Variants in GCC2 observed in about 807,000 individuals in gnomAD.
GCC2 encodes GRIP and coiled-coil domain containing 2.
GCC2 carries 120 observed loss-of-function variants against 210.6 expected under a neutral mutation model. The observed-to-expected ratio is 0.57, with a 90% CI of 0.49 to 0.66. The LOEUF is 0.66. Ranked by LOEUF, GCC2 falls within the 30% of genes least tolerant of loss-of-function variation. GCC2 has a pLI of 0.00. For missense variants in GCC2, 1,868 were observed against 1,871.9 expected, an observed-to-expected ratio of 1.00 and a Z score of 0.04; for synonymous variants, 703 against 652.7, an observed-to-expected ratio of 1.08 and a Z score of -1.17.
intron 4 of GCC2, among the ~76,000 whole-genome samples, chr2:108,467,673 A>C (rs6718841): frequency 6.6e-6 from 1 of 152,204 alleles, no homozygotes; most frequent in Non-Finnish European, 1.5e-5. Flanking sequence ...GTGATAGTGT[A>C]CTAATGTTTT....
chr2:108,472,926 A>G (rs1355282970), intron 7 of GCC2, 27 bp downstream of exon 7: 3 of 1,238,844 alleles, frequency 2.4e-6, no homozygotes, highest in Non-Finnish European at 3.5e-6. Context: ...AGATGTTGTC[A>G]CAATTAATTA....
Position 108,452,410 on chromosome 2 carries a change from G to A in GCC2, c.160G>A (p.Glu54Lys). Residue 54 changes from glutamate to lysine, a missense_variant, in exon 4 of 23, where the codon GAA becomes AAA. Physicochemically the swap from Glu to Lys is moderately conservative, Grantham distance 56. Around this residue, in one of 3 missense-constraint regions of GCC2, gnomAD observed 1,847 missense variants for 1,765.2 expected, o/e 1.05. Coordinates refer to ENST00000309863, the MANE Select transcript of GCC2 (RefSeq NM_181453.4). ...TTTTAATTGTTTAGAATTGGAGAAAGAAATTGAAGAACTCAGATCAAAACC... is the reference window on the plus strand; with the variant it reads ...TTTTAATTGTTTAGAATTGGAGAAAAAAATTGAAGAACTCAGATCAAAACC... The part of the protein sequence containing the change: ...AKSRCTELEK[E>K]IEELRSKPVT... The A allele has an allele frequency of 6.6e-7, 1 of 1,521,412 alleles. No individual in the cohort carries two copies. Among genetic ancestry groups the A allele is most frequent in the Non-Finnish European group, 9.1e-7 (1 of 1,096,422 alleles). 94.2% of individuals were successfully genotyped at this position (1,521,412 alleles called of 1,614,324 possible).
intron 18 of GCC2, among the ~76,000 whole-genome samples, chr2:108,492,102 TTCCTC>T (rs1310271141): frequency 1.3e-5 from 2 of 151,860 alleles, no homozygotes. Context: ...AATGGATACT[TTCCTC>T]TAAAGTTTTC....
chr2:108,456,779 G>A (rs1450082472), intron 4 of GCC2, among the ~76,000 whole-genome samples: 4 of 151,738 alleles, frequency 2.6e-5, no homozygotes, highest in Non-Finnish European at 5.9e-5. Flanking sequence ...AGCAAGATCC[G>A]TTTCTACAAA....
chr2:108,496,756 T>G (rs1379614919), intron 20 of GCC2: 1 of 699,286 alleles, frequency 1.4e-6, no homozygotes, highest in African/African-American at 1.8e-5. Context: ...TGTATTCAGT[T>G]AGATGACATG....
chr2:108,475,886 G>T, intron 9 of GCC2, 36 bp downstream of exon 9: 1 of 1,110,556 alleles, frequency 9.0e-7, no homozygotes, highest in Non-Finnish European at 1.3e-6. Context: ...AGTTATAAAA[G>T]TTGTAATAAT....
intron 4 of GCC2, among the ~76,000 whole-genome samples, chr2:108,452,691 C>CTTTTTTTTTTTTTTTTTTTT (rs34444254): frequency 1.0e-5 from 1 of 99,438 alleles, no homozygotes; most frequent in African/African-American, 4.0e-5. Context: ...TTTTTTCTTT[C>CTTTTTTTTTTTTTTTTTTTT]TTTTTTTTTT....
At chr2:108,501,732 A>T (rs1434012748) in intron 22 of GCC2, among the ~76,000 whole-genome samples, 1 of 152,156 alleles carries the variant, frequency 6.6e-6, no homozygotes, top group South Asian at 2.1e-4. Context: ...ATTTTTAGCA[A>T]TTTGTTGCTG....
At chr2:108,476,080 T>A (rs1017811616) in intron 9 of GCC2, among the ~76,000 whole-genome samples, 4 of 108,654 alleles carry the variant, frequency 3.7e-5, no homozygotes, top group African/African-American at 1.3e-4. Context: ...TTTTTTTTTT[T>A]GATGAAGTCT....
chr2:108,494,375 GAA>G (rs869045091), intron 19 of GCC2: 2 of 139,278 alleles, frequency 1.4e-5, no homozygotes, highest in Admixed American at 7.2e-5. Flanking sequence ...CCCTGTCTCA[GAA>G]AAAAAAAAAA....
chr2:108,479,979 TCAAAAAAAAAA>T (rs1681755797), intron 9 of GCC2, among the ~76,000 whole-genome samples: 1 of 59,558 alleles, frequency 1.7e-5, no homozygotes, highest in African/African-American at 1.0e-4. Flanking sequence ...AGACTCCATC[TCAAAAAAAAAA>T]AAAAAAAAAA....
chr2:108,468,281 G>T (rs1252369613), intron 4 of GCC2, among the ~76,000 whole-genome samples: 1 of 152,000 alleles, frequency 6.6e-6, no homozygotes. Flanking sequence ...GCCCAGGCTG[G>T]TCTTGAACTC....
At chr2:108,501,771 A>T (rs2577597) in intron 22 of GCC2, among the ~76,000 whole-genome samples, 28,825 of 151,956 alleles carry the variant, frequency 0.19, 3,088 homozygotes, top group African/African-American at 0.27. Flanking sequence ...CCATACCTTG[A>T]GAACCCCTGG....
intron 11 of GCC2, 145 bp from the exon 12 acceptor site, chr2:108,482,917 T>C: frequency 3.4e-6 from 2 of 588,382 alleles, no homozygotes; most frequent in East Asian, 3.2e-5. Context: ...CCTGACCTTG[T>C]GATCCACCCG....
In GCC2 at chr2:108,483,148, A is replaced by T. The variant is rs1458299039; in HGVS notation, c.3432A>T (p.Glu1144Asp). The change falls in exon 12 of 23, where the codon GAA (glutamate) becomes GAT (aspartate). Residue 1144 changes from glutamate (E) to aspartate (D), a missense_variant. By Grantham distance (45) the Glu-to-Asp change is conservative. This residue lies in a region of GCC2 where 1,847 missense variants were observed against 1,765.2 expected (regional missense o/e 1.05). Transcript: ENST00000309863. ...QKKQLQKTMQELELVKKDAQQ... is the reference protein window; with the variant it reads ...QKKQLQKTMQDLELVKKDAQQ... ...AACAGCTTCAGAAAACCATGCAAGA[A>T]TTAGAGCTGGTTAAAAAGGTAAAAT... The T allele has an allele frequency of 6.6e-7, 1 of 1,518,024 alleles. No individual in the cohort carries two copies. Among genetic ancestry groups the T allele is most frequent in the Non-Finnish European group, 9.1e-7 (1 of 1,093,750 alleles). 94.0% of individuals were successfully genotyped at this position (1,518,024 alleles called of 1,614,324 possible). A position where few individuals can be genotyped will look rare whatever the true frequency, so the allele number is the denominator to read the frequency against.
At chr2:108,480,979 A>C (rs946781391) in intron 9 of GCC2, among the ~76,000 whole-genome samples, 1 of 152,222 alleles carries the variant, frequency 6.6e-6, no homozygotes, top group Admixed American at 6.5e-5. Flanking sequence ...GAAGTTTTCC[A>C]GAAACAAAGG....
chr2:108,460,291 G>A (rs1321084062), intron 4 of GCC2, among the ~76,000 whole-genome samples: 3 of 152,114 alleles, frequency 2.0e-5, no homozygotes, highest in Non-Finnish European at 2.9e-5. Flanking sequence ...GCACGTAGTC[G>A]GATTATGTTT....
chr2:108,476,054 C>CTTTTTT (rs56236751), intron 9 of GCC2, among the ~76,000 whole-genome samples: 2 of 96,318 alleles, frequency 2.1e-5, no homozygotes, highest in Admixed American at 2.4e-4. Flanking sequence ...TAGTGGCTTG[C>CTTTTTT]TTTTTTTTTT....
In GCC2 at chr2:108,470,586, A is replaced by G; in HGVS notation, c.1257A>G (p.Val419=). Residue 419 remains valine (V), a synonymous_variant, in exon 6 of 23, where the codon GTA becomes GTG. Coordinates refer to ENST00000309863, the MANE Select transcript of GCC2 (RefSeq NM_181453.4). ...AGLNKQFCYT[V]EQHNREVQSL... The stretch of plus-strand genomic sequence containing the variant: ...TAAATAAACAGTTTTGCTATACTGT[A>G]GAACAGCATAACAGAGAAGTACAGA... 2 of 1,606,730 alleles carry G rather than the reference A, an allele frequency of 1.2e-6. No individual in the cohort carries two copies. The highest frequency in any genetic ancestry group is 1.7e-5 in the Admixed American group (1 of 59,694).
Sources: allele counts gnomAD v4.1 joint callset (sites outside exome capture counted in the v4.1 genomes callset), GRCh38; gene constraint gnomAD v4.1.1; regional missense constraint gnomAD v4.1.1; transcripts MANE v1.5; gene names NCBI Gene and HGNC (gene_info 2026-07-23, HGNC 2026-07-21).